The following ZNF83 variants were observed in gnomAD, a reference collection of about 807,000 sequenced individuals.
ZNF83 encodes zinc finger protein 816B.
For missense variants in ZNF83, 552 were observed against 629.9 expected, an observed-to-expected ratio of 0.88 and a Z score of 1.32; for synonymous variants, 209 against 213.0, an observed-to-expected ratio of 0.98 and a Z score of 0.17.
At chr19:52,655,699 C>A in intron 2 of ZNF83, 1 of 1,002,086 alleles carries the variant, frequency 1.0e-6, no homozygotes, top group Non-Finnish European at 1.6e-6. Context: ...TAAAATTAAA[C>A]ACACATTTCA....
intron 1 of ZNF83, among the ~76,000 whole-genome samples, chr19:52,662,798 A>G (rs981073101): frequency 6.6e-6 from 1 of 152,114 alleles, no homozygotes; most frequent in African/African-American, 2.4e-5. Context: ...GTTGAGTCAG[A>G]AGGAGGTGCG....
chr19:52,669,937 AAGAG>A (rs2061701334), intron 1 of ZNF83, among the ~76,000 whole-genome samples: 2 of 152,368 alleles, frequency 1.3e-5, no homozygotes, highest in Admixed American at 1.3e-4. Context: ...AAGAAGTTTG[AAGAG>A]AAAGAGCTGT....
At chr19:52,675,098 G>T (rs527372366) in intron 1 of ZNF83, among the ~76,000 whole-genome samples, 2 of 152,288 alleles carry the variant, frequency 1.3e-5, no homozygotes, top group African/African-American at 4.8e-5. Flanking sequence ...GTCACTGAAG[G>T]CTGACAAATC....
At chr19:52,664,662 C>T (rs574999523) in intron 1 of ZNF83, among the ~76,000 whole-genome samples, 1 of 143,772 alleles carries the variant, frequency 7.0e-6, no homozygotes, top group African/African-American at 2.6e-5. Flanking sequence ...GGAGGTGAGC[C>T]GGGCCTGAGC....
chr19:52,647,774 C>T (rs2061391964), intron 3 of ZNF83, among the ~76,000 whole-genome samples: 2 of 151,850 alleles, frequency 1.3e-5, no homozygotes, highest in Admixed American at 6.6e-5. Context: ...ATCCTTGGAA[C>T]TTATATAACC....
intron 1 of ZNF83, chr19:52,637,147 C>G (rs1272885453): frequency 1.3e-5 from 2 of 152,234 alleles, no homozygotes; most frequent in African/African-American, 2.4e-5. Context: ...CTGCTCCATC[C>G]TCGCAACTTA....
exon 3 of ZNF83, chr19:52,612,395 A>T (rs2060135548): frequency 2.0e-5 from 3 of 152,166 alleles, no homozygotes; most frequent in African/African-American, 7.2e-5. Flanking sequence ...CCTGGTTTTT[A>T]TTGAGTGGAT....
Position 52,624,740 on chromosome 19 carries a change from C to T in ZNF83, c.-233-9943G>A, listed in dbSNP as rs73061477. ...CTTGACCTTCCTATTATACGCTGGC[C>T]ATGATGTCTCCGTGCAGCTACCACC... On this transcript the variant is annotated intron_variant, in intron 2 of 2. Transcript: ENST00000301096. 4.1e-4 allele frequency among the ~76,000 whole-genome samples: 62 copies of T among 152,284 alleles called. 1 individual carries two copies. Among genetic ancestry groups the T allele is most frequent in the Non-Finnish European group, 6.8e-4 (46 of 68,020 alleles).
chr19:52,689,725 T>A (rs1284284993), intron 1 of ZNF83, among the ~76,000 whole-genome samples: 1 of 151,420 alleles, frequency 6.6e-6, no homozygotes, highest in Admixed American at 6.6e-5. Flanking sequence ...ATTCTTCTTT[T>A]CTCTGTCTCA....
chr19:52,685,811 T>G (rs1209885362), intron 1 of ZNF83, among the ~76,000 whole-genome samples: 1 of 149,058 alleles, frequency 6.7e-6, no homozygotes, highest in African/African-American at 2.4e-5. Context: ...AGCAGGAGAA[T>G]CACTTAAATC....
In ZNF83 at chr19:52,684,901, G is replaced by C. The variant is rs527238520; in HGVS notation, c.-283+5542C>G. On this transcript the variant is annotated intron_variant, in intron 1 of 5. Coordinates refer to the ZNF83 transcript ENST00000594682. The stretch of plus-strand genomic sequence containing the variant: ...GGACACAGGGCTGTGGAGCCACAGT[G>C]AGGAGTTGGGCTTTTGTCCTGGGGA... Among the ~76,000 whole-genome samples the C allele has an allele frequency of 3.3e-5, 5 of 152,328 alleles. No homozygotes were observed. In the East Asian group the frequency reaches 9.7e-4, roughly 29 times the overall value.
chr19:52,653,248 T>G, intron 3 of ZNF83: 9 of 1,526,982 alleles, frequency 5.9e-6, no homozygotes, highest in Non-Finnish European at 8.1e-6. Context: ...CTCTCCAGTA[T>G]GAAGCCTATA....
rs2060317799 is a variant in ZNF83 at position 52,616,696 on chromosome 19, A to T, written c.-233-1899T>A. The T allele has an allele frequency of 4.6e-5, 7 of 152,224 alleles. 1 individual carries two copies. The highest frequency in any genetic ancestry group is 2.0e-4 in the Admixed American group (3 of 15,278). 9.4% of individuals were successfully genotyped at this position (152,224 alleles called of 1,614,324 possible). A position where few individuals can be genotyped will look rare whatever the true frequency, so the allele number is the denominator to read the frequency against. On this transcript the variant is annotated intron_variant, in intron 2 of 2. Transcript: ENST00000301096. ...CCGTCTCTACTAAAAATACAAAATTAGCCGGGCATGGTGGCGCATACCTGT... is the reference window on the plus strand; with the variant it reads ...CCGTCTCTACTAAAAATACAAAATTTGCCGGGCATGGTGGCGCATACCTGT...
intron 2 of ZNF83, among the ~76,000 whole-genome samples, chr19:52,655,951 C>G (rs1328064476): frequency 6.6e-6 from 1 of 152,082 alleles, no homozygotes; most frequent in Non-Finnish European, 1.5e-5. Context: ...TGGCTCACAC[C>G]TGAAATCCCA....
At chr19:52,634,217 A>C (rs1375868397) in intron 2 of ZNF83, among the ~76,000 whole-genome samples, 2 of 145,860 alleles carry the variant, frequency 1.4e-5, no homozygotes, top group Non-Finnish European at 3.0e-5. Context: ...GGTTGCAGTA[A>C]GCCAAGATCA....
At chr19:52,630,677 T>C (rs112537388) in intron 2 of ZNF83, among the ~76,000 whole-genome samples, 5,458 of 151,912 alleles carry the variant, frequency 0.036, 335 homozygotes, top group African/African-American at 0.12. Flanking sequence ...GTATGGGACA[T>C]CTCCACTCCT....
chr19:52,675,764 T>C (rs149989082), intron 1 of ZNF83, among the ~76,000 whole-genome samples: 21,562 of 152,178 alleles, frequency 0.14, 1,618 homozygotes, highest in African/African-American at 0.18. Flanking sequence ...TGTGCATGCA[T>C]GTCTGTGGGA....
At chr19:52,624,695 T>C (rs553058107) in intron 2 of ZNF83, among the ~76,000 whole-genome samples, 41 of 152,166 alleles carry the variant, frequency 2.7e-4, no homozygotes, top group Non-Finnish European at 4.8e-4. Context: ...CTGCACCCTG[T>C]AGCCTTTTTG....
rs1188322231 is a variant in ZNF83, at chr19:52,655,734, AC to A, written c.-200-48del. 1.4e-5 allele frequency: 11 copies of A among 773,300 alleles called. No homozygotes were observed. The Admixed American group carries it at 2.3e-4, about 16-fold the overall frequency. The allele number at this position is 773,300 out of a possible 1,614,324, so 47.9% of individuals were successfully genotyped here. A position where few individuals can be genotyped will look rare whatever the true frequency, so the allele number is the denominator to read the frequency against. On this transcript the variant is annotated intron_variant, in intron 2 of 5. Coordinates refer to the ZNF83 transcript ENST00000594682. ...AACAAAACATTAGGGAGGAGTCATT[AC>A]CTTCACACAAAATGAGAAAAGAGAA...
Sources: allele counts gnomAD v4.1 joint callset (sites outside exome capture counted in the v4.1 genomes callset), GRCh38; gene constraint gnomAD v4.1.1; transcripts MANE v1.5; gene names NCBI Gene and HGNC (gene_info 2026-07-23, HGNC 2026-07-21).